C5orf22: variants seen among roughly 807,000 people sequenced by gnomAD.
C5orf22 encodes UPF0489 protein C5orf22.
In C5orf22, 36 loss-of-function variants were observed where a neutral mutation model predicts 48.7. The ratio of observed to expected loss-of-function variants is 0.74; its 90% CI spans 0.57 to 0.98. The LOEUF is 0.98. Among genes scored for constraint, C5orf22 ranks in the 50% least tolerant of loss-of-function variants. The probability of loss-of-function intolerance (pLI) is 0.00; values close to 1 mark genes in which losing one functional copy is unlikely to be tolerated. For synonymous variants in C5orf22, 141 were observed against 180.8 expected (o/e 0.78, Z 1.76); for missense variants, 486 against 521.9 (o/e 0.93, Z 0.67).
intron 6 of C5orf22, among the ~76,000 whole-genome samples, chr5:31,542,464 T>G: frequency 2.2e-5 from 1 of 45,102 alleles, no homozygotes; most frequent in Non-Finnish European, 6.4e-5. Context: ...TGAGACTCCG[T>G]CTCAAAAAAA....
intron 7 of C5orf22, 36 bp from the exon 8 acceptor site, chr5:31,551,257 G>A (rs558936084): frequency 3.7e-6 from 6 of 1,605,780 alleles, no homozygotes; most frequent in Non-Finnish European, 5.1e-6. Flanking sequence ...AAAAACAACT[G>A]TCATACAGTG....
rs1309157308 is a variant in C5orf22, at chr5:31,535,869, A to G, written c.353A>G (p.Lys118Arg). ...GGCAGACACCACTTTTTAGTAGGCA[A>G]AGACACTTCTACCACAACAATCAGG... ...REGRHHFLVGKDTSTTTIRVT... is the reference protein window; with the variant it reads ...REGRHHFLVGRDTSTTTIRVT... The change falls in exon 3 of 9, where the codon AAA (lysine) becomes AGA (arginine). Residue 118 changes from lysine to arginine, a missense_variant. Coordinates refer to ENST00000325366, the MANE Select transcript of C5orf22 (RefSeq NM_018356.3). 3 of 1,613,156 alleles carry G rather than the reference A, an allele frequency of 1.9e-6. No homozygotes were observed. Among genetic ancestry groups the G allele is most frequent in the Non-Finnish European group, 2.5e-6 (3 of 1,179,796 alleles).
Position 31,541,391 on chromosome 5 carries a change from T to C in C5orf22, c.981T>C (p.Ala327=), listed in dbSNP as rs1333610895. The C allele has an allele frequency of 2.2e-5, 36 of 1,613,826 alleles. No homozygotes were observed. Among genetic ancestry groups the C allele is most frequent in the Non-Finnish European group, 3.1e-5 (36 of 1,179,852 alleles). Reference sequence around the variant, plus strand: ...ATGAAGAAACGGTACAGAGATGGGCTTCAAACCCTGGGTAAGACTCTCAAA... The same window carrying C: ...ATGAAGAAACGGTACAGAGATGGGCCTCAAACCCTGGGTAAGACTCTCAAA... The part of the protein sequence containing the change: ...GDDEETVQRW[A]SNPGMESLVP... Residue 327 remains alanine, a synonymous_variant, in exon 6 of 9, where the codon GCT becomes GCC. Transcript: ENST00000325366.
chr5:31,545,573 A>G lies in C5orf22; in HGVS notation c.993-73A>G, dbSNP rs557262881. ...TGTTATTATGGTAAATGTTAGTATA[A>G]TGTATAATTTGCTATTATCATTTTA... On this transcript the variant is annotated intron_variant, in intron 6 of 8. Transcript: ENST00000325366. The G allele has an allele frequency of 2.2e-5, 21 of 965,232 alleles. 1 individual carries two copies. Among genetic ancestry groups the G allele is most frequent in the African/African-American group, 2.1e-4 (13 of 62,362 alleles). 59.8% of individuals were successfully genotyped at this position (965,232 alleles called of 1,614,324 possible).
rs1446658671 is a variant in C5orf22 at position 31,538,339 on chromosome 5, C to CCT, written c.457_458insCT (p.Gln153ProfsTer5). 1 of 1,613,876 alleles carries CCT rather than the reference C, an allele frequency of 6.2e-7. No individual in the cohort carries two copies. Among genetic ancestry groups the CCT allele is most frequent in the Non-Finnish European group, 8.5e-7 (1 of 1,179,926 alleles). On this transcript the variant is annotated frameshift_variant, in exon 4 of 9. Transcript: ENST00000325366. LOFTEE classifies it high-confidence loss of function. ...CCAGCTAGAGAACCAAAAACCTTTA[C>CCT]AATTGGATGTAATTATGGTAAAACC...
Position 31,532,434 on chromosome 5 carries a change from C to T in C5orf22, c.42C>T (p.Tyr14=), listed in dbSNP as rs1741591667. The T allele has an allele frequency of 1.2e-6, 2 of 1,613,942 alleles. No homozygotes were observed. The highest frequency in any genetic ancestry group is 8.5e-7 in the Non-Finnish European group (1 of 1,179,942). The part of the protein sequence containing the change: ...SAGGRAGLRR[Y]PKLPVWVVED... ...GAGGGCGCGCTGGTCTCCGGCGTTA[C>T]CCCAAGCTCCCAGTGTGGGTGGTGG... is the stretch of plus-strand genomic sequence containing the variant. The change falls in exon 1 of 9, where the codon TAC becomes TAT. Residue 14 remains tyrosine (Y), a synonymous_variant. Coordinates refer to ENST00000325366, the MANE Select transcript of C5orf22 (RefSeq NM_018356.3).
intron 4 of C5orf22, 78 bp downstream of exon 4, chr5:31,538,767 T>G: frequency 9.6e-7 from 1 of 1,040,340 alleles, no homozygotes; most frequent in Non-Finnish European, 1.4e-6. Flanking sequence ...GCAAACTCTT[T>G]AAACAGCCAG....
In C5orf22 at chr5:31,538,442, C is replaced by T. The variant is rs755393777; in HGVS notation, c.560C>T (p.Ser187Leu). 18 of 1,614,132 alleles carry T rather than the reference C, an allele frequency of 1.1e-5. No individual in the cohort carries two copies. The highest frequency in any genetic ancestry group is 1.6e-4 in the Middle Eastern group (1 of 6,062). The change falls in exon 4 of 9, where the codon TCG becomes TTG. Residue 187 changes from serine (S) to leucine (L), a missense_variant. By Grantham distance (145) the Ser-to-Leu change is moderately radical. Around this residue, in one of 3 missense-constraint regions of C5orf22, gnomAD observed 408 missense variants for 444.0 expected, o/e 0.92. Coordinates refer to ENST00000325366, the MANE Select transcript of C5orf22 (RefSeq NM_018356.3). ...AAACCAAAGCTAGCCCTGGAAGATT[C>T]GGAAAACACTGCCTCTACTAACTGT... ...AKKPKLALEDSENTASTNCDS... is the reference protein window; with the variant it reads ...AKKPKLALEDLENTASTNCDS...
At chr5:31,539,964 T>A (rs1359989564) in intron 4 of C5orf22, among the ~76,000 whole-genome samples, 1 of 151,948 alleles carries the variant, frequency 6.6e-6, no homozygotes, top group Non-Finnish European at 1.5e-5. Flanking sequence ...GATGGGAGGA[T>A]CACTTGAGCC....
chr5:31,538,793 G>A, intron 4 of C5orf22, 104 bp downstream of exon 4: 1 of 849,820 alleles, frequency 1.2e-6, no homozygotes, highest in Non-Finnish European at 1.8e-6. Context: ...AATTATTTTA[G>A]GCTTTGGGGT....
At chr5:31,536,462 G>T (rs1468206607) in intron 3 of C5orf22, among the ~76,000 whole-genome samples, 2 of 152,216 alleles carry the variant, frequency 1.3e-5, no homozygotes, top group Non-Finnish European at 2.9e-5. Context: ...GACAGAGCTT[G>T]CAGTGAGCTG....
At chr5:31,536,166 T>C (rs1742068581) in intron 3 of C5orf22, among the ~76,000 whole-genome samples, 1 of 152,218 alleles carries the variant, frequency 6.6e-6, no homozygotes, top group African/African-American at 2.4e-5. Context: ...CTTAAGCCAT[T>C]GAAGTATCTT....
At chr5:31,549,566 A>G (rs574201418) in intron 7 of C5orf22, among the ~76,000 whole-genome samples, 1 of 152,274 alleles carries the variant, frequency 6.6e-6, no homozygotes, top group East Asian at 1.9e-4. Flanking sequence ...GATCGTTATA[A>G]GATACTTAAG....
intron 3 of C5orf22, 141 bp from the exon 4 acceptor site, chr5:31,538,119 C>T (rs765956716): frequency 1.5e-6 from 1 of 657,024 alleles, no homozygotes; most frequent in Non-Finnish European, 2.7e-6. Context: ...GCTATTTCTA[C>T]AGAAGAACAG....
chr5:31,544,058 A>G (rs116737114), intron 6 of C5orf22, among the ~76,000 whole-genome samples: 176 of 152,320 alleles, frequency 1.2e-3, no homozygotes, highest in African/African-American at 4.0e-3. Flanking sequence ...AGGCTTCGCT[A>G]TGTCTAGGGA....
chr5:31,532,688 T>C (rs1228069013), intron 1 of C5orf22, among the ~76,000 whole-genome samples: 2 of 152,018 alleles, frequency 1.3e-5, no homozygotes, highest in African/African-American at 2.4e-5. Context: ...GGGCAACTTA[T>C]TTACCTCGGT....
chr5:31,550,522 G>A (rs564453956), intron 7 of C5orf22, among the ~76,000 whole-genome samples: 1 of 152,240 alleles, frequency 6.6e-6, no homozygotes. Context: ...TATTTAAAAA[G>A]TAAGTAAAAT....
At chr5:31,533,245 C>T (rs1435450951) in intron 1 of C5orf22, among the ~76,000 whole-genome samples, 2 of 149,948 alleles carry the variant, frequency 1.3e-5, no homozygotes, top group Non-Finnish European at 1.5e-5. Flanking sequence ...TGAGCTACTG[C>T]GCACGGCCCA....
Position 31,541,399 on chromosome 5 carries a change from C to G in C5orf22, c.989C>G (p.Pro330Arg). 1 of 1,612,158 alleles carries G rather than the reference C, an allele frequency of 6.2e-7. No homozygotes were observed. The highest frequency in any genetic ancestry group is 2.2e-5 in the East Asian group (1 of 44,840). The change falls in exon 6 of 9, where the codon CCT becomes CGT. Residue 330 changes from proline (P) to arginine (R), a missense_variant. By Grantham distance (103) the Pro-to-Arg change is moderately radical. Coordinates refer to ENST00000325366, the MANE Select transcript of C5orf22 (RefSeq NM_018356.3). ...ACGGTACAGAGATGGGCTTCAAACC[C>G]TGGGTAAGACTCTCAAACATTTTTT... ...EETVQRWASN[P>R]GMESLVPLVQ...
Sources: gnomAD v4.1 joint callset for allele counts (sites outside exome capture counted in the v4.1 genomes callset) on GRCh38, gnomAD v4.1.1 for gene constraint, gnomAD v4.1.1 regional missense constraint, MANE v1.5 for transcripts, NCBI Gene and HGNC (gene_info 2026-07-23, HGNC 2026-07-21) for gene names.